The following CCDC141 variants were observed in gnomAD, a reference collection of about 807,000 sequenced individuals.
The protein encoded by CCDC141 is coiled-coil domain containing 141.
In CCDC141, 168 loss-of-function variants were observed where a neutral mutation model predicts 181.0. The ratio of observed to expected loss-of-function variants is 0.93; its 90% CI spans 0.82 to 1.05. CCDC141 has a LOEUF of 1.05. Ranked by LOEUF, CCDC141 falls within the 50% of genes least tolerant of loss-of-function variation. The pLI, the probability that CCDC141 is intolerant of heterozygous loss-of-function variation, is 0.00. For synonymous variants in CCDC141, 666 were observed against 642.3 expected, an observed-to-expected ratio of 1.04 and a Z score of -0.56; for missense variants, 1,902 against 1,788.5, an observed-to-expected ratio of 1.06 and a Z score of -1.14.
At chr2:178,971,273 T>A (rs1245313272) in intron 4 of CCDC141, among the ~76,000 whole-genome samples, 1 of 152,026 alleles carries the variant, frequency 6.6e-6, no homozygotes, top group Non-Finnish European at 1.5e-5. Context: ...TATGAACAGA[T>A]ACTTCTCAAA....
chr2:179,015,809 CAT>C (rs1370082026), intron 2 of CCDC141, among the ~76,000 whole-genome samples: 1 of 135,140 alleles, frequency 7.4e-6, no homozygotes, highest in East Asian at 2.2e-4. Flanking sequence ...ATATATGTAT[CAT>C]ATATATCTCA....
chr2:178,877,988 A>T lies in CCDC141; in HGVS notation c.1875T>A (p.Leu625=). 1 of 1,613,850 alleles carries T rather than the reference A, an allele frequency of 6.2e-7. No individual in the cohort carries two copies. The highest frequency in any genetic ancestry group is 8.5e-7 in the Non-Finnish European group (1 of 1,179,808). ...KKSFITQDLG[L]EFLNLINMAK... ...CCATATTTATTAAATTAAGGAACTCAAGCCCTAGATCTTGTGTTATAAAAC... is the reference window on the plus strand; with the variant it reads ...CCATATTTATTAAATTAAGGAACTCTAGCCCTAGATCTTGTGTTATAAAAC... The change falls in exon 12 of 24, where the codon CTT becomes CTA. Residue 625 remains leucine (L), a synonymous_variant. Coordinates refer to ENST00000443758, the MANE Select transcript of CCDC141 (RefSeq NM_173648.4).
chr2:179,000,475 T>C (rs2041937026), intron 2 of CCDC141, among the ~76,000 whole-genome samples: 1 of 152,206 alleles, frequency 6.6e-6, no homozygotes, highest in South Asian at 2.1e-4. Context: ...CTGACCCTTT[T>C]ACAGAAGAGG....
At position 178,833,816 on chromosome 2, in the gene CCDC141, A is replaced by T. The variant is rs1684358838; in HGVS notation, c.*357T>A. 5.5e-6 allele frequency: 1 copy of T among 183,248 alleles called. No individual in the cohort carries two copies. Among genetic ancestry groups the T allele is most frequent in the Non-Finnish European group, 1.2e-5 (1 of 86,676 alleles). The allele number at this position is 183,248 out of a possible 1,614,324, so 11.4% of individuals were successfully genotyped here. A position where few individuals can be genotyped will look rare whatever the true frequency, so the allele number is the denominator to read the frequency against. On this transcript the variant is annotated 3_prime_UTR_variant, in exon 24 of 24. Coordinates refer to ENST00000443758, the MANE Select transcript of CCDC141 (RefSeq NM_173648.4). ...ACAATTAAAAATATATTATTGAACA[A>T]CCATATTTGAAATTTAGCACATTTC...
rs1269193268 is a variant in CCDC141 at position 178,829,808 on chromosome 2, A to G, written c.*4365T>C. The G allele has an allele frequency of 6.6e-6, 1 of 152,248 alleles. No homozygotes were observed. 9.4% of individuals were successfully genotyped at this position (152,248 alleles called of 1,614,324 possible). ...TTCAACTAACTTATTTCATGGCTGC[A>G]CTTAAAATGCTGTGCATACAACAGG... On this transcript the variant is annotated 3_prime_UTR_variant, in exon 24 of 24. Transcript: ENST00000443758.
At chr2:178,973,686 C>G (rs187699763) in intron 4 of CCDC141, among the ~76,000 whole-genome samples, 90 of 152,306 alleles carry the variant, frequency 5.9e-4, no homozygotes, top group Non-Finnish European at 1.1e-3. Flanking sequence ...TCTACAAGCC[C>G]CCAGTCCCTC....
intron 4 of CCDC141, among the ~76,000 whole-genome samples, chr2:178,965,705 G>C (rs924903523): frequency 2.0e-5 from 3 of 152,140 alleles, no homozygotes; most frequent in African/African-American, 7.2e-5. Context: ...GGCAGACACC[G>C]AACTAGCTGC....
chr2:179,048,516 C>T (rs1208977556), intron 1 of CCDC141, among the ~76,000 whole-genome samples: 1 of 152,068 alleles, frequency 6.6e-6, no homozygotes, highest in African/African-American at 2.4e-5. Flanking sequence ...AATATTATTC[C>T]TCATCCTGCT....
intron 2 of CCDC141, among the ~76,000 whole-genome samples, chr2:178,990,862 G>A (rs1692020625): frequency 1.3e-5 from 2 of 152,114 alleles, no homozygotes; most frequent in Admixed American, 1.3e-4. Context: ...TGATGGAAAG[G>A]TTTTGGATCT....
chr2:178,905,871 A>G (rs1687943676), intron 7 of CCDC141, among the ~76,000 whole-genome samples: 1 of 152,260 alleles, frequency 6.6e-6, no homozygotes. Context: ...TTATTTAAAA[A>G]TATTATACAG....
Position 178,837,432 on chromosome 2 carries a change from C to G in CCDC141, c.3787G>C (p.Glu1263Gln). 6 of 1,614,098 alleles carry G rather than the reference C, an allele frequency of 3.7e-6. No homozygotes were observed. Among genetic ancestry groups the G allele is most frequent in the Non-Finnish European group, 5.1e-6 (6 of 1,179,984 alleles). The change falls in exon 23 of 24, where the codon GAA (glutamate) becomes CAA (glutamine). Residue 1263 changes from glutamate (E) to glutamine (Q), a missense_variant. Transcript: ENST00000443758. The part of the protein sequence containing the change: ...AGTSSPGDAQ[E>Q]SVLPPPVAFA... ...GCAACAGGTGGTGGAAGAACAGATT[C>G]CTGGGCATCCCCTGGGCTGCTGGTC... is the stretch of plus-strand genomic sequence containing the variant.
rs80187545 is a variant in CCDC141 at position 178,899,639 on chromosome 2, T to C, written c.1265+5690A>G. Among the ~76,000 whole-genome samples the C allele has an allele frequency of 3.3e-3, 505 of 152,278 alleles. 5 individuals carry two copies. Among genetic ancestry groups the C allele is most frequent in the African/African-American group, 0.012 (490 of 41,552 alleles). On this transcript the variant is annotated intron_variant, in intron 8 of 23. Coordinates refer to ENST00000443758, the MANE Select transcript of CCDC141 (RefSeq NM_173648.4). ...GGGTTTCTTATCCATACCAGTTTTT[T>C]GGTGTCTGGTAATAGGAACCTTAAT...
chr2:178,947,877 A>G (rs1310917922), intron 5 of CCDC141, among the ~76,000 whole-genome samples: 2 of 152,214 alleles, frequency 1.3e-5, no homozygotes, highest in Non-Finnish European at 2.9e-5. Context: ...CAGACTTAGC[A>G]TAAATATAAT....
chr2:178,904,299 G>T (rs573599736), intron 8 of CCDC141, among the ~76,000 whole-genome samples: 1 of 152,124 alleles, frequency 6.6e-6, no homozygotes, highest in African/African-American at 2.4e-5. Flanking sequence ...TCTAATCTTA[G>T]TTGTGCATGT....
chr2:178,829,181 C>G (rs1287726137), downstream of CCDC141, among the ~76,000 whole-genome samples: 1 of 152,116 alleles, frequency 6.6e-6, no homozygotes, highest in African/African-American at 2.4e-5. Context: ...TGATTTCACC[C>G]AGTTTTTATT....
At chr2:179,027,550 C>G (rs1270974255) in intron 2 of CCDC141, among the ~76,000 whole-genome samples, 1 of 145,310 alleles carries the variant, frequency 6.9e-6, no homozygotes, top group Non-Finnish European at 1.5e-5. Flanking sequence ...GAGGCTGAGG[C>G]AGGAGAATGG....
In CCDC141 at chr2:178,871,515, A is replaced by G. The variant is rs1298583056; in HGVS notation, c.2117T>C (p.Met706Thr). The change falls in exon 14 of 24, where the codon ATG becomes ACG. Residue 706 changes from methionine (M) to threonine (T), a missense_variant. Met to Thr is a moderately conservative substitution (Grantham distance 81). Coordinates refer to ENST00000443758, the MANE Select transcript of CCDC141 (RefSeq NM_173648.4). ...TCCGAGGTCAAGTGCAGACACAGGC[A>G]TAAGTGCTTCCTGAAGAAGTTTTAA... ...HNLKLLQEAL[M>T]PVSALDLGGS... 6.2e-7 allele frequency: 1 copy of G among 1,613,898 alleles called. No individual in the cohort carries two copies. The highest frequency in any genetic ancestry group is 8.5e-7 in the Non-Finnish European group (1 of 1,179,926).
intron 7 of CCDC141, 56 bp downstream of exon 7, chr2:178,918,657 G>T: frequency 3.6e-6 from 5 of 1,400,628 alleles, no homozygotes; most frequent in South Asian, 1.4e-5. Context: ...TGAAGTAATG[G>T]GTCTTTTACT....
chr2:178,861,635 CAAA>C (rs550382240), intron 17 of CCDC141, among the ~76,000 whole-genome samples: 1 of 98,134 alleles, frequency 1.0e-5, no homozygotes. Flanking sequence ...GACTCAGTCT[CAAA>C]AAAAAAAAAA....
Sources: allele counts gnomAD v4.1 joint callset (sites outside exome capture counted in the v4.1 genomes callset), GRCh38; gene constraint gnomAD v4.1.1; transcripts MANE v1.5; gene names NCBI Gene and HGNC (gene_info 2026-07-23, HGNC 2026-07-21).